LRRC34: variants seen among roughly 807,000 people sequenced by gnomAD.
The protein encoded by LRRC34 is leucine-rich repeat-containing protein 34.
LRRC34 carries 44 observed loss-of-function variants against 48.5 expected under a neutral mutation model. That is an observed-to-expected ratio of 0.91 (90% CI 0.71 to 1.17). The LOEUF is 1.17. Ranked by LOEUF, LRRC34 falls within the 50% of genes most tolerant of loss-of-function variation. LRRC34 has a pLI of 0.00. For synonymous variants in LRRC34, 192 were observed against 197.6 expected (o/e 0.97, Z 0.24); for missense variants, 502 against 563.0 (o/e 0.89, Z 1.10).
chr3:169,797,334 CAA>C (rs1303142243), intron 7 of LRRC34, among the ~76,000 whole-genome samples: 2 of 152,128 alleles, frequency 1.3e-5, no homozygotes, highest in African/African-American at 4.8e-5. Context: ...AGACAAAATA[CAA>C]AGACATTTCC....
chr3:169,806,749 T>G (rs574743404), intron 5 of LRRC34, 99 bp downstream of exon 5: 1 of 658,958 alleles, frequency 1.5e-6, no homozygotes, highest in East Asian at 2.7e-5. Flanking sequence ...CCTACAATAT[T>G]AAAATAAGTT....
intron 1 of LRRC34, among the ~76,000 whole-genome samples, chr3:169,811,630 G>A (rs79253753): frequency 0.052 from 7,969 of 152,280 alleles, 267 homozygotes; most frequent in South Asian, 0.074. Flanking sequence ...TTTCCAGAGA[G>A]AGGACTTACT....
intron 7 of LRRC34, among the ~76,000 whole-genome samples, chr3:169,800,107 A>G (rs1779139025): frequency 6.6e-6 from 1 of 152,244 alleles, no homozygotes; most frequent in South Asian, 2.1e-4. Flanking sequence ...ACCAATAATA[A>G]CATGAGTTCT....
chr3:169,802,668 T>C (rs1779236221), intron 6 of LRRC34, among the ~76,000 whole-genome samples: 1 of 152,086 alleles, frequency 6.6e-6, no homozygotes, highest in Non-Finnish European at 1.5e-5. Context: ...TGGCTGCATC[T>C]ACCACCTTAA....
intron 6 of LRRC34, among the ~76,000 whole-genome samples, chr3:169,803,539 T>G (rs1779266922): frequency 6.6e-6 from 1 of 152,246 alleles, no homozygotes; most frequent in Admixed American, 6.5e-5. Context: ...CAAGCAATTC[T>G]CCTGCCTCAG....
rs1174589322 is a variant in LRRC34 at position 169,807,590 on chromosome 3, T to C, written c.377A>G (p.Asn126Ser). ...SKILKNCLYI[N>S]GLDVGYNLLC... ...TATTGATTCTTATGGAAACATACCA[T>C]TAATATACAGACAATTCTTTAAAAT... Residue 126 changes from asparagine to serine, a missense_variant and splice_region_variant, in exon 3 of 11, where the codon AAT becomes AGT. Physicochemically the swap from Asn to Ser is conservative, Grantham distance 46. Coordinates refer to ENST00000446859, the MANE Select transcript of LRRC34 (RefSeq NM_001172779.2). 4 of 1,612,006 alleles carry C rather than the reference T, an allele frequency of 2.5e-6. No individual in the cohort carries two copies. The highest frequency in any genetic ancestry group is 3.4e-6 in the Non-Finnish European group (4 of 1,179,158).
chr3:169,812,742 C>T lies in LRRC34; in HGVS notation c.-194G>A. ...TTAAAGGCAGCCTGAGGGAGGGCGT[C>T]CTGGCTCCTTTGCAGGGAGGAGTTC... is the stretch of plus-strand genomic sequence containing the variant. On this transcript the variant is annotated 5_prime_UTR_variant, in exon 1 of 11. Coordinates refer to ENST00000446859, the MANE Select transcript of LRRC34 (RefSeq NM_001172779.2). The surrounding 1 kb of genome is among the most constrained non-coding windows in gnomAD (Gnocchi z 4.3). 5.3e-6 allele frequency: 4 copies of T among 756,436 alleles called. No homozygotes were observed. Among genetic ancestry groups the T allele is most frequent in the Non-Finnish European group, 7.7e-6 (4 of 516,708 alleles). 46.9% of individuals were successfully genotyped at this position (756,436 alleles called of 1,614,324 possible).
rs1779418780 is a variant in LRRC34, at chr3:169,807,489, A to T, written c.381T>A (p.Gly127=). 6.2e-7 allele frequency: 1 copy of T among 1,613,860 alleles called. No individual in the cohort carries two copies. Among genetic ancestry groups the T allele is most frequent in the South Asian group, 1.1e-5 (1 of 91,080 alleles). ...KILKNCLYIN[G]LDVGYNLLCD... The stretch of plus-strand genomic sequence containing the variant: ...ATAGAAGGTTATATCCAACATCCAA[A>T]CCTGAAGCACAGATGAATAGAAGTG... Residue 127 remains glycine, a splice_region_variant and synonymous_variant, in exon 4 of 11, where the codon GGT becomes GGA. Transcript: ENST00000446859.
At chr3:169,796,569 G>T in intron 8 of LRRC34, 176 bp downstream of exon 8, 2 of 893,478 alleles carry the variant, frequency 2.2e-6, no homozygotes, top group Non-Finnish European at 3.3e-6. Context: ...GCTCATTTAT[G>T]TTACTAAAAG....
At chr3:169,796,001 T>A (rs1329857815) in intron 9 of LRRC34, 1 of 1,239,810 alleles carries the variant, frequency 8.1e-7, no homozygotes, top group South Asian at 2.9e-5. Flanking sequence ...ATTTTCTCAT[T>A]AATTTGAAGG....
chr3:169,803,913 G>T, intron 6 of LRRC34, 140 bp downstream of exon 6: 2 of 604,926 alleles, frequency 3.3e-6, no homozygotes, highest in Non-Finnish European at 2.6e-6. Flanking sequence ...TTAATAATCT[G>T]CACTATTATG....
intron 8 of LRRC34, 54 bp from the exon 9 acceptor site, chr3:169,796,423 T>C: frequency 6.4e-7 from 1 of 1,557,662 alleles, no homozygotes; most frequent in South Asian, 1.2e-5. Flanking sequence ...TTTTTATTCA[T>C]AGTGATAAGA....
chr3:169,812,731 A>G lies in LRRC34; in HGVS notation c.-183T>C. 1.2e-6 allele frequency: 1 copy of G among 857,460 alleles called. No individual in the cohort carries two copies. The highest frequency in any genetic ancestry group is 1.6e-6 in the Non-Finnish European group (1 of 608,922). 53.1% of individuals were successfully genotyped at this position (857,460 alleles called of 1,614,324 possible). On this transcript the variant is annotated 5_prime_UTR_variant, in exon 1 of 11. Transcript: ENST00000446859. The surrounding 1 kb of genome is among the most constrained non-coding windows in gnomAD (Gnocchi z 4.3). Reference sequence around the variant, plus strand: ...CCCTGCCCTGGTTAAAGGCAGCCTGAGGGAGGGCGTCCTGGCTCCTTTGCA... The same window carrying G: ...CCCTGCCCTGGTTAAAGGCAGCCTGGGGGAGGGCGTCCTGGCTCCTTTGCA...
chr3:169,810,494 T>C (rs1311993475), intron 1 of LRRC34, among the ~76,000 whole-genome samples: 1 of 152,122 alleles, frequency 6.6e-6, no homozygotes, highest in African/African-American at 2.4e-5. Flanking sequence ...TTCTGTCATG[T>C]GGATAGATGT....
rs1444634815 is a variant in LRRC34, at chr3:169,812,094, C to A, written c.139+316G>T. On this transcript the variant is annotated intron_variant, in intron 1 of 10. Coordinates refer to ENST00000446859, the MANE Select transcript of LRRC34 (RefSeq NM_001172779.2). This position sits in a 1 kb window ranked among gnomAD's most constrained non-coding sequence, Gnocchi z 4.3. ...GGGCTGAGAAGAGCCCCCCCGCCAC[C>A]CCCTCCCGGAGACCCTGAGAGCACG... 1.3e-5 allele frequency among the ~76,000 whole-genome samples: 2 copies of A among 152,018 alleles called. No homozygotes were observed. The highest frequency in any genetic ancestry group is 2.9e-5 in the Non-Finnish European group (2 of 67,984).
At chr3:169,809,526 T>C (rs1225912039) in intron 1 of LRRC34, among the ~76,000 whole-genome samples, 2 of 152,210 alleles carry the variant, frequency 1.3e-5, no homozygotes, top group Non-Finnish European at 2.9e-5. Context: ...CTTTCTGTTA[T>C]ACATGCAGAT....
chr3:169,794,183 A>G, intron 10 of LRRC34: 1 of 200,368 alleles, frequency 5.0e-6, no homozygotes, highest in Non-Finnish European at 1.0e-5. Context: ...ATGTTCATAA[A>G]TTGGAATAGG....
chr3:169,812,592 G>C lies in LRRC34; in HGVS notation c.-44C>G. 1.4e-6 allele frequency: 2 copies of C among 1,425,516 alleles called. No individual in the cohort carries two copies. Among genetic ancestry groups the C allele is most frequent in the Non-Finnish European group, 1.8e-6 (2 of 1,097,058 alleles). The allele number at this position is 1,425,516 out of a possible 1,614,324, so 88.3% of individuals were successfully genotyped here. On this transcript the variant is annotated 5_prime_UTR_variant, in exon 1 of 11. Coordinates refer to ENST00000446859, the MANE Select transcript of LRRC34 (RefSeq NM_001172779.2). This position sits in a 1 kb window ranked among gnomAD's most constrained non-coding sequence, Gnocchi z 4.3. ...TACAGTCCGCCTGCAGCTGTGAGGC[G>C]GCTACACGAGCCTCGGCGCCAGCCT...
intron 5 of LRRC34, 22 bp downstream of exon 5, chr3:169,806,826 T>C: frequency 6.7e-7 from 1 of 1,495,490 alleles, no homozygotes; most frequent in Non-Finnish European, 9.2e-7. Context: ...ACAATGTTAG[T>C]TTGAAATACA....
Sources: allele counts gnomAD v4.1 joint callset (sites outside exome capture counted in the v4.1 genomes callset), GRCh38; gene constraint gnomAD v4.1.1; non-coding constraint Gnocchi (gnomAD v3.1); transcripts MANE v1.5; gene names NCBI Gene and HGNC (gene_info 2026-07-23, HGNC 2026-07-21).